Variants in MCTP2 observed in about 807,000 individuals in gnomAD.
MCTP2 encodes the protein multiple C2 and transmembrane domain containing 2, also known as multiple C2 and transmembrane domain-containing protein 2.
A neutral mutation model predicts 111.6 loss-of-function variants in MCTP2; 132 were observed. The observed-to-expected ratio is 1.18, with a 90% CI of 1.03 to 1.37. The LOEUF is 1.37. Among genes scored for constraint, MCTP2 ranks in the 40% most tolerant of loss-of-function variants. MCTP2 has a pLI of 0.00. For missense variants in MCTP2, 1,183 were observed against 1,067.9 expected (o/e 1.11, Z -1.50); for synonymous variants, 395 against 387.7 (o/e 1.02, Z -0.22).
chr15:94,348,154 C>A (rs1291175455), intron 8 of MCTP2, among the ~76,000 whole-genome samples: 2 of 151,872 alleles, frequency 1.3e-5, no homozygotes, highest in Non-Finnish European at 2.9e-5. Flanking sequence ...AATTAATTGA[C>A]TTCTAGTGCC....
At chr15:94,427,471 A>G (rs1299413063) in intron 17 of MCTP2, among the ~76,000 whole-genome samples, 2 of 152,126 alleles carry the variant, frequency 1.3e-5, no homozygotes, top group South Asian at 2.1e-4. Flanking sequence ...ATGTCTTACC[A>G]TGGTGGGGCT....
At chr15:94,467,820 A>T (rs2152537741) in intron 20 of MCTP2, among the ~76,000 whole-genome samples, 1 of 152,318 alleles carries the variant, frequency 6.6e-6, no homozygotes, top group Non-Finnish European at 1.5e-5. Context: ...GCCCTCCAAA[A>T]AGTTCTGTTA....
intron 17 of MCTP2, among the ~76,000 whole-genome samples, chr15:94,427,177 G>A (rs1313135227): frequency 6.6e-6 from 1 of 152,122 alleles, no homozygotes; most frequent in Non-Finnish European, 1.5e-5. Context: ...AGCTGCTGCA[G>A]TTACCATGCA....
intron 19 of MCTP2, among the ~76,000 whole-genome samples, chr15:94,444,141 A>G (rs1312433264): frequency 1.3e-5 from 2 of 152,152 alleles, no homozygotes; most frequent in Non-Finnish European, 2.9e-5. Context: ...AATTTCTAGA[A>G]CGGCTCACAA....
At chr15:94,466,623 T>TAGGCTTCCC (rs1160474798) in intron 20 of MCTP2, among the ~76,000 whole-genome samples, 1 of 149,818 alleles carries the variant, frequency 6.7e-6, no homozygotes, top group Non-Finnish European at 1.5e-5. Context: ...GGAGAGTTCC[T>TAGGCTTCCC]AGGCTTCCCC....
At chr15:94,345,924 G>A (rs892107103) in intron 8 of MCTP2, among the ~76,000 whole-genome samples, 3 of 152,022 alleles carry the variant, frequency 2.0e-5, no homozygotes, top group Non-Finnish European at 4.4e-5. Context: ...CTGAATTGTG[G>A]TGGTGGTGGT....
chr15:94,441,823 T>C (rs1363759909), intron 18 of MCTP2, among the ~76,000 whole-genome samples: 1 of 152,200 alleles, frequency 6.6e-6, no homozygotes, highest in African/African-American at 2.4e-5. Context: ...CTGTTTTCAT[T>C]ACCTTCCTGT....
At chr15:94,317,769 A>G (rs1251075003) in intron 4 of MCTP2, among the ~76,000 whole-genome samples, 2 of 152,196 alleles carry the variant, frequency 1.3e-5, no homozygotes, top group African/African-American at 4.8e-5. Context: ...TCAGAACTGT[A>G]TGAAGTATGT....
Position 94,367,687 on chromosome 15 carries a change from C to T in MCTP2, c.1384C>T (p.Leu462Phe). 2.5e-6 allele frequency: 4 copies of T among 1,612,126 alleles called. No homozygotes were observed. The highest frequency in any genetic ancestry group is 3.4e-6 in the Non-Finnish European group (4 of 1,179,164). Reference sequence around the variant, plus strand: ...ACTGGACAGCTGTCTGGGGGCTCTCCTTATGTTGGTCACACTTACACCCTG... The same window carrying T: ...ACTGGACAGCTGTCTGGGGGCTCTCTTTATGTTGGTCACACTTACACCCTG... Reference protein sequence around the residue: ...LPLDSCLGALLMLVTLTPCAG... With the variant: ...LPLDSCLGALFMLVTLTPCAG... The change falls in exon 11 of 23, where the codon CTT becomes TTT. Residue 462 changes from leucine (L) to phenylalanine (F), a missense_variant. Leu to Phe is a conservative substitution (Grantham distance 22). Transcript: ENST00000357742.
chr15:94,298,961 CCCTCTCTCCCTCTCCCTCTCCCTCTCCCT>C (rs2075444231), intron 2 of MCTP2, among the ~76,000 whole-genome samples: 3 of 10,822 alleles, frequency 2.8e-4, no homozygotes, highest in African/African-American at 7.0e-4. Context: ...CTCCCTCTCT[CCCTCTCTCCCTCTCCCTCTCCCTCTCCCT>C]CTCTCCCTCT....
At chr15:94,403,336 G>A (rs952372031) in intron 17 of MCTP2, 17 of 749,752 alleles carry the variant, frequency 2.3e-5, no homozygotes, top group South Asian at 6.1e-5. Flanking sequence ...GGCTTCATGC[G>A]TTGAGTTCCC....
At position 94,231,563 on chromosome 15, in the gene MCTP2, G is replaced by A. The variant is rs1371108536; in HGVS notation, c.-167G>A. On this transcript the variant is annotated 5_prime_UTR_variant, in exon 1 of 23. Coordinates refer to ENST00000357742, the MANE Select transcript of MCTP2 (RefSeq NM_001385001.1). Reference sequence around the variant, plus strand: ...GATGCCCCCGCCCCCGCCGCGTCAGGGTTGCTCCCTGCGCTTCCGAGTGGC... The same window carrying A: ...GATGCCCCCGCCCCCGCCGCGTCAGAGTTGCTCCCTGCGCTTCCGAGTGGC... 1.3e-5 allele frequency: 2 copies of A among 152,360 alleles called. No homozygotes were observed. The highest frequency in any genetic ancestry group is 2.4e-5 in the African/African-American group (1 of 41,458). 9.4% of individuals were successfully genotyped at this position (152,360 alleles called of 1,614,324 possible).
At chr15:94,336,747 G>GTGTA (rs1567456766) in intron 4 of MCTP2, among the ~76,000 whole-genome samples, 5 of 151,116 alleles carry the variant, frequency 3.3e-5, no homozygotes, top group African/African-American at 9.8e-5. Context: ...ATATGTGTGT[G>GTGTA]TATATATATA....
At chr15:94,386,586 A>G (rs965066094) in intron 14 of MCTP2, among the ~76,000 whole-genome samples, 2 of 152,194 alleles carry the variant, frequency 1.3e-5, no homozygotes, top group African/African-American at 4.8e-5. Flanking sequence ...GCTCTGAGCC[A>G]TCGGCACCAG....
intron 14 of MCTP2, among the ~76,000 whole-genome samples, chr15:94,395,686 T>G (rs2081247112): frequency 1.3e-5 from 2 of 152,210 alleles, no homozygotes; most frequent in Non-Finnish European, 2.9e-5. Flanking sequence ...CTGGTTATAT[T>G]TACTGTGCTT....
chr15:94,265,487 A>G (rs1434032159), intron 1 of MCTP2, among the ~76,000 whole-genome samples: 1 of 152,210 alleles, frequency 6.6e-6, no homozygotes, highest in East Asian at 1.9e-4. Flanking sequence ...GTATGCACTT[A>G]CTTACTTGTA....
At chr15:94,357,240 C>G (rs1490452080) in intron 9 of MCTP2, among the ~76,000 whole-genome samples, 1 of 152,102 alleles carries the variant, frequency 6.6e-6, no homozygotes, top group South Asian at 2.1e-4. Context: ...AATTGAAGCT[C>G]ATGTTGAAGA....
chr15:94,345,032 C>A, intron 7 of MCTP2, 97 bp from the exon 8 acceptor site: 1 of 1,371,166 alleles, frequency 7.3e-7, no homozygotes, highest in Non-Finnish European at 1.0e-6. Context: ...TGAATGTAAC[C>A]TGGACCATCT....
At position 94,298,715 on chromosome 15, in the gene MCTP2, A is replaced by T. The variant is rs749898075; in HGVS notation, c.450A>T (p.Ala150=). The change falls in exon 2 of 23, where the codon GCA becomes GCT. Residue 150 remains alanine (A), a synonymous_variant. Transcript: ENST00000357742. The part of the protein sequence containing the change: ...DLQKTSLGGD[A]PEEPEKLCGS... The stretch of plus-strand genomic sequence containing the variant: ...AGAAAACTTCCCTTGGAGGGGATGC[A>T]CCAGAAGAGCCAGAGGTGAGAATAG... 1.0e-5 allele frequency: 16 copies of T among 1,605,854 alleles called. No individual in the cohort carries two copies.
Sources: gnomAD v4.1 joint callset for allele counts (sites outside exome capture counted in the v4.1 genomes callset) on GRCh38, gnomAD v4.1.1 for gene constraint, MANE v1.5 for transcripts, NCBI Gene and HGNC (gene_info 2026-07-23, HGNC 2026-07-21) for gene names.